Variants in SPATA6 observed in about 807,000 individuals in gnomAD.
SPATA6 encodes the protein spermatogenesis-associated protein 6.
In SPATA6, 56 loss-of-function variants were observed where a neutral mutation model predicts 65.3. That is an observed-to-expected ratio of 0.86 (90% CI 0.69 to 1.07). SPATA6 has a LOEUF of 1.07. Among genes scored for constraint, SPATA6 ranks in the 50% least tolerant of loss-of-function variants. SPATA6 has a pLI of 0.00. For synonymous variants in SPATA6, 199 were observed against 213.2 expected, an observed-to-expected ratio of 0.93 and a Z score of 0.58; for missense variants, 590 against 594.8, an observed-to-expected ratio of 0.99 and a Z score of 0.08.
the SPATA6 span, among the ~76,000 whole-genome samples, chr1:48,278,621 A>G: frequency 2.0e-5 from 3 of 152,198 alleles, no homozygotes; most frequent in Admixed American, 2.0e-4. Context: ...GCGAGAAGGG[A>G]AGTTTAGAGG....
chr1:48,428,775 A>ATATGTGTGTGTGTGTGTGTGTG (rs374475889), intron 3 of SPATA6, among the ~76,000 whole-genome samples: 3 of 133,496 alleles, frequency 2.2e-5, no homozygotes, highest in Non-Finnish European at 4.8e-5. Context: ...AGGTGTATAT[A>ATATGTGTGTGTGTGTGTGTGTG]TGTGTGTGTG....
chr1:48,350,074 A>C (rs1024546329), intron 11 of SPATA6, among the ~76,000 whole-genome samples: 11 of 151,862 alleles, frequency 7.2e-5, no homozygotes, highest in Non-Finnish European at 1.3e-4. Flanking sequence ...TCCCACCAGC[A>C]TGAAATGGGA....
At chr1:48,290,207 A>T in the SPATA6 span, among the ~76,000 whole-genome samples, 1 of 152,226 alleles carries the variant, frequency 6.6e-6, no homozygotes, top group Non-Finnish European at 1.5e-5. Context: ...ACATTCTTAA[A>T]GAAAAGAATT....
chr1:48,369,671 C>T (rs1647169558), intron 9 of SPATA6, among the ~76,000 whole-genome samples: 1 of 152,190 alleles, frequency 6.6e-6, no homozygotes, highest in South Asian at 2.1e-4. Flanking sequence ...TTTCCAGGTG[C>T]CGTCTGTCAC....
At chr1:48,287,462 T>TG in the SPATA6 span, among the ~76,000 whole-genome samples, 1 of 152,236 alleles carries the variant, frequency 6.6e-6, no homozygotes, top group African/African-American at 2.4e-5. Context: ...TTCCCAATGT[T>TG]GGAGGTGTGG....
chr1:48,312,434 T>C (rs942605285), intron 11 of SPATA6, among the ~76,000 whole-genome samples: 4 of 152,016 alleles, frequency 2.6e-5, no homozygotes, highest in African/African-American at 7.2e-5. Context: ...CCCAGGCAAA[T>C]AGGGTCTGGA....
intron 12 of SPATA6, among the ~76,000 whole-genome samples, chr1:48,304,730 T>C (rs1028740881): frequency 6.6e-6 from 1 of 150,632 alleles, no homozygotes; most frequent in Admixed American, 6.6e-5. Context: ...GAAATCTATA[T>C]TTTTTAAAAA....
At chr1:48,264,001 T>C in the SPATA6 span, among the ~76,000 whole-genome samples, 1 of 152,142 alleles carries the variant, frequency 6.6e-6, no homozygotes, top group Non-Finnish European at 1.5e-5. Flanking sequence ...TTAATTTTTG[T>C]ATTTTTTTGT....
chr1:48,368,878 T>G (rs1193324455), intron 9 of SPATA6, among the ~76,000 whole-genome samples: 2 of 152,224 alleles, frequency 1.3e-5, no homozygotes, highest in African/African-American at 4.8e-5. Flanking sequence ...GTGCTGTTTT[T>G]TAGATTTCCA....
chr1:48,281,398 C>A, the SPATA6 span, among the ~76,000 whole-genome samples: 1 of 152,036 alleles, frequency 6.6e-6, no homozygotes, highest in Non-Finnish European at 1.5e-5. Flanking sequence ...CAAATTGTCC[C>A]TGTTTGCAGA....
chr1:48,286,998 C>G, the SPATA6 span, among the ~76,000 whole-genome samples: 1 of 148,432 alleles, frequency 6.7e-6, no homozygotes, highest in Non-Finnish European at 1.5e-5. Context: ...GAGATCACGC[C>G]ACTGCACTCT....
chr1:48,304,291 T>C (rs1365045569), intron 12 of SPATA6, among the ~76,000 whole-genome samples: 1 of 152,146 alleles, frequency 6.6e-6, no homozygotes. Flanking sequence ...ATCTCAAAAA[T>C]GTGTAAGCAG....
At chr1:48,429,683 C>G (rs1367069230) in intron 3 of SPATA6, among the ~76,000 whole-genome samples, 1 of 151,744 alleles carries the variant, frequency 6.6e-6, no homozygotes, top group Non-Finnish European at 1.5e-5. Flanking sequence ...GGCAGATACA[C>G]TAGAAAAAGA....
intron 12 of SPATA6, among the ~76,000 whole-genome samples, chr1:48,304,661 A>T (rs1412822523): frequency 6.6e-6 from 1 of 152,178 alleles, no homozygotes; most frequent in Admixed American, 6.5e-5. Context: ...ATCTCTTAAA[A>T]TACAGATTTC....
intron 3 of SPATA6, among the ~76,000 whole-genome samples, chr1:48,447,694 C>A (rs1021055841): frequency 2.6e-5 from 4 of 152,102 alleles, no homozygotes; most frequent in African/African-American, 4.8e-5. Context: ...TAAAATCCTA[C>A]AAATTATGTT....
chr1:48,309,090 A>G (rs1361097861), intron 11 of SPATA6, among the ~76,000 whole-genome samples: 1 of 152,098 alleles, frequency 6.6e-6, no homozygotes, highest in Non-Finnish European at 1.5e-5. Flanking sequence ...ATGAGTCTCA[A>G]GTGTGGATCT....
intron 11 of SPATA6, chr1:48,325,179 G>C (rs1414811647): frequency 1.5e-6 from 1 of 666,790 alleles, no homozygotes; most frequent in Admixed American, 2.3e-5. Context: ...TGGACTGCAA[G>C]GTTTGGTGCA....
rs190304069 is a variant in SPATA6 at position 48,316,744 on chromosome 1, C to T, written c.1195-10866G>A. ...AGAAACTACCATCAGAGTGAACAGGCAACCCACAGAATGGGAGAAAATTTT... is the reference window on the plus strand; with the variant it reads ...AGAAACTACCATCAGAGTGAACAGGTAACCCACAGAATGGGAGAAAATTTT... On this transcript the variant is annotated intron_variant, in intron 11 of 12. Coordinates refer to ENST00000371847, the MANE Select transcript of SPATA6 (RefSeq NM_019073.4). Among the ~76,000 whole-genome samples the T allele has an allele frequency of 5.4e-3, 824 of 152,256 alleles. 21 individuals carry two copies. The highest frequency in any genetic ancestry group is 0.046 in the Admixed American group (701 of 15,288).
At chr1:48,334,938 T>C (rs1646019591) in intron 11 of SPATA6, among the ~76,000 whole-genome samples, 1 of 152,098 alleles carries the variant, frequency 6.6e-6, no homozygotes, top group Admixed American at 6.6e-5. Flanking sequence ...GAGTAAAGCT[T>C]TGGGATACAA....
Sources: allele counts gnomAD v4.1 joint callset (sites outside exome capture counted in the v4.1 genomes callset), GRCh38; gene constraint gnomAD v4.1.1; transcripts MANE v1.5; gene names NCBI Gene and HGNC (gene_info 2026-07-23, HGNC 2026-07-21).